Variants in MGST1 observed in about 807,000 individuals in gnomAD.
MGST1 encodes glutathione S-transferase 12.
MGST1 carries 5 observed loss-of-function variants against 8.9 expected under a neutral mutation model. The observed-to-expected ratio is 0.56, with a 90% CI of 0.29 to 1.19. The LOEUF (loss-of-function observed/expected upper bound fraction) is 1.19, where lower values mean the gene tolerates loss of function less well. Among genes scored for constraint, MGST1 ranks in the 50% most tolerant of loss-of-function variants. The probability of loss-of-function intolerance (pLI) is 0.08; values close to 1 mark genes in which losing one functional copy is unlikely to be tolerated. For missense variants in MGST1, 182 were observed against 187.4 expected, an observed-to-expected ratio of 0.97 and a Z score of 0.17; for synonymous variants, 54 against 67.8, an observed-to-expected ratio of 0.80 and a Z score of 1.00.
chr12:16,460,199 G>A (rs1565459028), intron 4 of MGST1, among the ~76,000 whole-genome samples: 1 of 152,236 alleles, frequency 6.6e-6, no homozygotes, highest in East Asian at 1.9e-4. Context: ...GATAGCCCTG[G>A]TGTCTTATTA....
intron 1 of MGST1, among the ~76,000 whole-genome samples, chr12:16,393,706 C>G (rs541089254): frequency 6.6e-6 from 1 of 152,160 alleles, no homozygotes. Flanking sequence ...AAGCCTGTTG[C>G]GCTCATTATG....
chr12:16,389,885 GAGTGAGGC>G lies in MGST1; in HGVS notation n.778+6284_778+6291del, dbSNP rs1265299947. 1.3e-5 allele frequency among the ~76,000 whole-genome samples: 2 copies of G among 152,168 alleles called. No homozygotes were observed. The highest frequency in any genetic ancestry group is 2.9e-5 in the Non-Finnish European group (2 of 68,032). On this transcript the variant is annotated intron_variant and non_coding_transcript_variant, in intron 1 of 1. Transcript: ENST00000359720. The surrounding 1 kb of genome is among the most constrained non-coding windows in gnomAD (Gnocchi z 4.6). ...GCTCCCAAGGGGAAGTTGTAATGAAGAGTGAGGCAGGATTGCGTAAGTAGAAAAAGAGA... is the reference window on the plus strand; with the variant it reads ...GCTCCCAAGGGGAAGTTGTAATGAAGAGGATTGCGTAAGTAGAAAAAGAGA...
downstream of MGST1, among the ~76,000 whole-genome samples, chr12:16,369,063 C>A (rs983586228): frequency 2.6e-5 from 4 of 151,986 alleles, no homozygotes; most frequent in Non-Finnish European, 4.4e-5. The surrounding 1 kb of genome is among the most constrained non-coding windows in gnomAD (Gnocchi z 4.8). Context: ...GTATCTATAC[C>A]TATATCTTTA....
At chr12:16,378,494 C>T (rs1271365818), downstream of MGST1, among the ~76,000 whole-genome samples, 2 of 152,006 alleles carry the variant, frequency 1.3e-5, no homozygotes, top group Admixed American at 1.3e-4. Flanking sequence ...CTGTTCTGTT[C>T]CATTGGTCTA....
chr12:16,572,339 C>CTTTTTTTTTTTTTTTTTTTTTTTTTT (rs59773866), intron 4 of MGST1, among the ~76,000 whole-genome samples: 2 of 89,530 alleles, frequency 2.2e-5, no homozygotes, highest in Non-Finnish European at 4.2e-5. Context: ...GGTCCAAACT[C>CTTTTTTTTTTTTTTTTTTTTTTTTTT]TTTTTTTTTT....
At position 16,471,464 on chromosome 12, in the gene MGST1, C is replaced by G. The variant is rs547933624; in HGVS notation, n.482+87860C>G. ...GCTAAAATTATTTTACTGAATTATG[C>G]TTAATGATCTATGGTATTTCTATAG... is the stretch of plus-strand genomic sequence containing the variant. On this transcript the variant is annotated intron_variant and non_coding_transcript_variant, in intron 4 of 4. Transcript: ENST00000538857. 2.1e-3 allele frequency among the ~76,000 whole-genome samples: 320 copies of G among 152,272 alleles called. 3 individuals carry two copies. Among genetic ancestry groups the G allele is most frequent in the Non-Finnish European group, 4.0e-3 (275 of 68,020 alleles).
intron 4 of MGST1, among the ~76,000 whole-genome samples, chr12:16,465,567 G>A (rs1444799399): frequency 6.6e-6 from 1 of 152,122 alleles, no homozygotes; most frequent in Non-Finnish European, 1.5e-5. Flanking sequence ...TGCACGTGAC[G>A]GATCTAGGTT....
intron 1 of MGST1, among the ~76,000 whole-genome samples, chr12:16,386,018 T>C (rs1304846538): frequency 1.3e-5 from 2 of 152,178 alleles, no homozygotes; most frequent in Non-Finnish European, 2.9e-5. Context: ...ATTTGGTCTT[T>C]CAGTGGCTCG....
chr12:16,511,369 G>C (rs529183389), intron 4 of MGST1, among the ~76,000 whole-genome samples: 1 of 152,264 alleles, frequency 6.6e-6, no homozygotes, highest in South Asian at 2.1e-4. Flanking sequence ...AGATTCATTC[G>C]GCTCCTGAAG....
intron 1 of MGST1, among the ~76,000 whole-genome samples, chr12:16,433,336 C>T (rs1240572092): frequency 6.6e-6 from 1 of 152,052 alleles, no homozygotes; most frequent in African/African-American, 2.4e-5. Flanking sequence ...TGGCAACACC[C>T]TCACAGACAC....
chr12:16,358,054 A>G (rs548210787), intron 3 of MGST1, among the ~76,000 whole-genome samples: 5 of 152,266 alleles, frequency 3.3e-5, no homozygotes, highest in African/African-American at 4.8e-5. Context: ...AGGTTGAAGA[A>G]TTAGGTATTT....
chr12:16,368,529 C>T (rs1423451833), downstream of MGST1, among the ~76,000 whole-genome samples: 2 of 152,162 alleles, frequency 1.3e-5, no homozygotes, highest in Non-Finnish European at 1.5e-5. Context: ...CAAAGCGGCA[C>T]CTCTACATTC....
chr12:16,464,406 G>A (rs1295130524), intron 4 of MGST1, among the ~76,000 whole-genome samples: 1 of 152,058 alleles, frequency 6.6e-6, no homozygotes, highest in African/African-American at 2.4e-5. Context: ...GTGAAAGAAT[G>A]ATTTCTTTCA....
Position 16,401,810 on chromosome 12 carries a change from T to A in MGST1, n.778+18206T>A. Reference sequence around the variant, plus strand: ...AAACTTTCTCATCTGCATCAACTATTTCCATGACTCTTTCCTTGAAGAATT... The same window carrying A: ...AAACTTTCTCATCTGCATCAACTATATCCATGACTCTTTCCTTGAAGAATT... On this transcript the variant is annotated intron_variant and non_coding_transcript_variant, in intron 1 of 1. Coordinates refer to the MGST1 transcript ENST00000359720. The surrounding 1 kb of genome is among the most constrained non-coding windows in gnomAD (Gnocchi z 4.3). 3 of 1,604,290 alleles carry A rather than the reference T, an allele frequency of 1.9e-6. No individual in the cohort carries two copies. Among genetic ancestry groups the A allele is most frequent in the African/African-American group, 1.3e-5 (1 of 74,856 alleles).
chr12:16,530,280 G>T (rs1332499795), intron 4 of MGST1, among the ~76,000 whole-genome samples: 1 of 152,050 alleles, frequency 6.6e-6, no homozygotes, highest in Non-Finnish European at 1.5e-5. Flanking sequence ...GTTCTAGTCT[G>T]CAGTTCTTAA....
intron 4 of MGST1, among the ~76,000 whole-genome samples, chr12:16,569,035 A>ATT (rs1942718886): frequency 6.6e-6 from 1 of 152,142 alleles, no homozygotes; most frequent in Non-Finnish European, 1.5e-5. Context: ...ACAATGCCCC[A>ATT]CCTATTGTTC....
intron 4 of MGST1, among the ~76,000 whole-genome samples, chr12:16,518,064 A>T (rs899290745): frequency 2.0e-5 from 3 of 152,248 alleles, no homozygotes; most frequent in African/African-American, 7.2e-5. Context: ...CATGGTGACC[A>T]CAACGCATCC....
In MGST1 at chr12:16,582,500, A is replaced by G. The variant is rs1274458724; in HGVS notation, n.483-7028A>G. Among the ~76,000 whole-genome samples the G allele has an allele frequency of 6.6e-6, 1 of 152,122 alleles. No individual in the cohort carries two copies. The highest frequency in any genetic ancestry group is 1.5e-5 in the Non-Finnish European group (1 of 68,016). ...TAGTTTTGCATAAGCTGCTTTACATATTTTGAACTTAAGCTTCCTGTGTAA... is the reference window on the plus strand; with the variant it reads ...TAGTTTTGCATAAGCTGCTTTACATGTTTTGAACTTAAGCTTCCTGTGTAA... On this transcript the variant is annotated intron_variant and non_coding_transcript_variant, in intron 4 of 4. Transcript: ENST00000538857. The surrounding 1 kb of genome is among the most constrained non-coding windows in gnomAD (Gnocchi z 4.1).
chr12:16,401,571 G>T lies in MGST1; in HGVS notation n.778+17967G>T. ...CAGCCATCAAAGTGCGAACAGGTTG[G>T]AGCAATAAGACTCGAAGCGAATACC... On this transcript the variant is annotated intron_variant and non_coding_transcript_variant, in intron 1 of 1. Transcript: ENST00000359720. The surrounding 1 kb of genome is among the most constrained non-coding windows in gnomAD (Gnocchi z 4.3). 2 of 1,288,244 alleles carry T rather than the reference G, an allele frequency of 1.6e-6. No individual in the cohort carries two copies. Among genetic ancestry groups the T allele is most frequent in the South Asian group, 1.2e-5 (1 of 83,890 alleles). The allele number at this position is 1,288,244 out of a possible 1,614,324, so 79.8% of individuals were successfully genotyped here. A position where few individuals can be genotyped will look rare whatever the true frequency, so the allele number is the denominator to read the frequency against.
Sources: allele counts gnomAD v4.1 joint callset (sites outside exome capture counted in the v4.1 genomes callset), GRCh38; gene constraint gnomAD v4.1.1; non-coding constraint Gnocchi (gnomAD v3.1); transcripts MANE v1.5; gene names NCBI Gene and HGNC (gene_info 2026-07-23, HGNC 2026-07-21).